Variants in ESYT2 observed in about 807,000 individuals in gnomAD.
ESYT2 encodes the protein extended synaptotagmin-2.
In ESYT2, 54 loss-of-function variants were observed where a neutral mutation model predicts 107.2. That is an observed-to-expected ratio of 0.50 (90% CI 0.40 to 0.63). The LOEUF (loss-of-function observed/expected upper bound fraction) is 0.63, where lower values mean the gene tolerates loss of function less well. Among genes scored for constraint, ESYT2 ranks in the 30% least tolerant of loss-of-function variants. The probability of loss-of-function intolerance (pLI) is 0.00; values close to 1 mark genes in which losing one functional copy is unlikely to be tolerated. For synonymous variants in ESYT2, 491 were observed against 434.1 expected (o/e 1.13, Z -1.63); for missense variants, 1,020 against 1,094.5 (o/e 0.93, Z 0.96).
chr7:158,761,568 C>T, intron 10 of ESYT2, 24 bp from the exon 11 acceptor site: 1 of 1,597,578 alleles, frequency 6.3e-7, no homozygotes, highest in Non-Finnish European at 8.6e-7. Context: ...AATACGACAA[C>T]TTTAGAACAT....
chr7:158,782,629 A>C (rs1838946532), intron 6 of ESYT2, among the ~76,000 whole-genome samples: 1 of 110,636 alleles, frequency 9.0e-6, no homozygotes. Flanking sequence ...GAACATGTGA[A>C]GTGGGTATGT....
intron 1 of ESYT2, among the ~76,000 whole-genome samples, chr7:158,822,376 C>T (rs1029012157): frequency 3.3e-5 from 5 of 152,212 alleles, no homozygotes; most frequent in Admixed American, 6.5e-5. Flanking sequence ...AAACAGATTT[C>T]GGTTTTTTAT....
chr7:158,767,874 A>G (rs1838217425), intron 7 of ESYT2, 100 bp from the exon 8 acceptor site: 1 of 1,379,760 alleles, frequency 7.2e-7, no homozygotes, highest in Non-Finnish European at 9.7e-7. Context: ...TGTAAGTCCC[A>G]TTTATTTACA....
At chr7:158,753,539 G>T (rs1005378202) in intron 13 of ESYT2, among the ~76,000 whole-genome samples, 1 of 151,042 alleles carries the variant, frequency 6.6e-6, no homozygotes, top group Non-Finnish European at 1.5e-5. Context: ...CAAGATTAAA[G>T]AATTTATCAT....
intron 16 of ESYT2, chr7:158,744,068 AAAAC>A (rs886223837): frequency 1.7e-4 from 29 of 173,078 alleles, no homozygotes; most frequent in African/African-American, 5.0e-4. Context: ...AACTGTTTCA[AAAAC>A]AAACAAACAA....
At chr7:158,808,192 C>G (rs568429487) in intron 1 of ESYT2, among the ~76,000 whole-genome samples, 65 of 152,330 alleles carry the variant, frequency 4.3e-4, no homozygotes, top group Middle Eastern at 3.4e-3. Flanking sequence ...CCGCAGTCAA[C>G]CAAGGTCAGA....
chr7:158,746,229 G>C (rs1359733693), intron 16 of ESYT2, among the ~76,000 whole-genome samples: 3 of 147,916 alleles, frequency 2.0e-5, no homozygotes, highest in Admixed American at 6.8e-5. Context: ...TACATAAATA[G>C]ACACACACAC....
intron 1 of ESYT2, among the ~76,000 whole-genome samples, chr7:158,819,778 A>T (rs1350679811): frequency 1.3e-5 from 2 of 152,254 alleles, no homozygotes; most frequent in Non-Finnish European, 2.9e-5. Flanking sequence ...AGAAAAATAC[A>T]ACTACATGTT....
Position 158,829,203 on chromosome 7 carries a change from C to A in ESYT2, c.216G>T (p.Trp72Cys). The change falls in exon 1 of 23, where the codon TGG becomes TGT. Residue 72 changes from tryptophan to cysteine, a missense_variant. Coordinates refer to ENST00000275418, the MANE Select transcript of ESYT2 (RefSeq NM_001367773.1). ...WVLLALALLA[W>C]CRRSRGLKAL... ...CCTTGAGGCCGCGGCTGCGGCGACA[C>A]CAGGCGAGCAGCGCGAGCGCGAGGA... 4 of 1,532,304 alleles carry A rather than the reference C, an allele frequency of 2.6e-6. No homozygotes were observed. In the African/African-American group the frequency reaches 4.2e-5, roughly 16 times the overall value. The allele number at this position is 1,532,304 out of a possible 1,614,324, so 94.9% of individuals were successfully genotyped here.
chr7:158,793,753 G>A (rs2129473427), intron 3 of ESYT2, 27 bp from the exon 4 acceptor site: 6 of 1,568,026 alleles, frequency 3.8e-6, no homozygotes, highest in Non-Finnish European at 5.2e-6. Flanking sequence ...CTTATTTTAA[G>A]ATACAGAGGT....
intron 11 of ESYT2, 32 bp from the exon 12 acceptor site, chr7:158,760,179 A>T: frequency 6.3e-7 from 1 of 1,594,286 alleles, no homozygotes; most frequent in Non-Finnish European, 8.6e-7. Context: ...GTTCAGCAAA[A>T]GTTCTTCTGA....
intron 6 of ESYT2, among the ~76,000 whole-genome samples, chr7:158,782,903 G>A (rs567663091): frequency 6.7e-6 from 1 of 148,210 alleles, no homozygotes; most frequent in Non-Finnish European, 1.5e-5. Flanking sequence ...TGTGAGACAG[G>A]AGGCTCCAAA....
At chr7:158,797,205 A>G (rs1243114850) in intron 3 of ESYT2, among the ~76,000 whole-genome samples, 1 of 152,200 alleles carries the variant, frequency 6.6e-6, no homozygotes, top group Non-Finnish European at 1.5e-5. Context: ...GGAATGCCGT[A>G]GTGTGATCAT....
chr7:158,791,294 G>A (rs933163345), intron 4 of ESYT2, among the ~76,000 whole-genome samples: 28 of 152,296 alleles, frequency 1.8e-4, no homozygotes, highest in East Asian at 1.9e-4. Flanking sequence ...TTTCTAAGGT[G>A]TACAGGCCAC....
intron 1 of ESYT2, 32 bp downstream of exon 1, chr7:158,829,057 A>G: frequency 6.4e-7 from 1 of 1,557,458 alleles, no homozygotes. Flanking sequence ...ACTGGTGGTC[A>G]GGGGTCGGGA....
chr7:158,823,165 T>C lies in ESYT2; in HGVS notation c.330+5924A>G, dbSNP rs537222794. On this transcript the variant is annotated intron_variant, in intron 1 of 22. Coordinates refer to ENST00000275418, the MANE Select transcript of ESYT2 (RefSeq NM_001367773.1). ...AAGAAATTAGCTGGATGTGGCGGTG[T>C]GCGCCTGTAGTCCCAGATACTTGGG... Among the ~76,000 whole-genome samples the C allele has an allele frequency of 3.0e-3, 455 of 149,808 alleles. 4 individuals carry two copies. The highest frequency in any genetic ancestry group is 0.01 in the Middle Eastern group (3 of 288).
At chr7:158,759,617 T>A (rs1837891328) in intron 12 of ESYT2, 36 bp from the exon 13 acceptor site, 2 of 1,536,646 alleles carry the variant, frequency 1.3e-6, no homozygotes, top group African/African-American at 2.7e-5. Flanking sequence ...GCAGCCATGT[T>A]TCCACAGGAT....
rs199513558 is a variant in ESYT2 at position 158,735,566 on chromosome 7, C to A, written c.2442G>T (p.Thr814=). 1 of 1,614,122 alleles carries A rather than the reference C, an allele frequency of 6.2e-7. No individual in the cohort carries two copies. The highest frequency in any genetic ancestry group is 1.1e-5 in the South Asian group (1 of 91,076). ...CACTGTTCTTCACGGCAACGTCGAG[C>A]GTTCTCCTCTGCACTTCTGGTAACG... ...SVSLPEVQRR[T]LDVAVKNSGG... Residue 814 remains threonine (T), a synonymous_variant, in exon 21 of 23, where the codon ACG becomes ACT. Coordinates refer to ENST00000275418, the MANE Select transcript of ESYT2 (RefSeq NM_001367773.1).
intron 1 of ESYT2, among the ~76,000 whole-genome samples, chr7:158,802,071 C>G (rs1839662685): frequency 6.6e-6 from 1 of 152,180 alleles, no homozygotes; most frequent in African/African-American, 2.4e-5. Context: ...CTGAAGTATA[C>G]AGGATGGAAT....
Sources: gnomAD v4.1 joint callset for allele counts (sites outside exome capture counted in the v4.1 genomes callset) on GRCh38, gnomAD v4.1.1 for gene constraint, MANE v1.5 for transcripts, NCBI Gene and HGNC (gene_info 2026-07-23, HGNC 2026-07-21) for gene names.